The following PRDM15 variants were observed in gnomAD, a reference collection of about 807,000 sequenced individuals.
PRDM15 encodes the protein PR domain zinc finger protein 15.
PRDM15 carries 64 observed loss-of-function variants against 128.6 expected under a neutral mutation model. That is an observed-to-expected ratio of 0.50 (90% CI 0.41 to 0.61). The LOEUF is 0.61. PRDM15 is among the 20% of genes least tolerant of loss of function. The probability of loss-of-function intolerance (pLI) is 0.00; values close to 1 mark genes in which losing one functional copy is unlikely to be tolerated. For missense variants in PRDM15, 1,242 were observed against 1,569.1 expected (o/e 0.79, Z 3.52); for synonymous variants, 615 against 621.8 (o/e 0.99, Z 0.16).
At position 41,810,132 on chromosome 21, in the gene PRDM15, G is replaced by C. The variant is rs745811944; in HGVS notation, c.2652+22C>G. 6.3e-7 allele frequency: 1 copy of C among 1,591,404 alleles called. No homozygotes were observed. The highest frequency in any genetic ancestry group is 8.6e-7 in the Non-Finnish European group (1 of 1,169,184). Reference sequence around the variant, plus strand: ...GCGCGGCCCGCTGGCGGGGCACGGAGGGGGCACAGCCACCAGCTCACCTCG... The same window carrying C: ...GCGCGGCCCGCTGGCGGGGCACGGACGGGGCACAGCCACCAGCTCACCTCG... On this transcript the variant is annotated intron_variant, in intron 21 of 23. Coordinates refer to ENST00000398548, the MANE Select transcript of PRDM15 (RefSeq NM_001040424.3). This position sits in a 1 kb window ranked among gnomAD's most constrained non-coding sequence, Gnocchi z 6.4.
At position 41,804,830 on chromosome 21, in the gene PRDM15, A is replaced by G. The variant is rs1479772387; in HGVS notation, c.2653-216T>C. 8.1e-5 allele frequency: 36 copies of G among 445,846 alleles called. No homozygotes were observed. In the South Asian group the frequency reaches 1.0e-3, roughly 13 times the overall value. The allele number at this position is 445,846 out of a possible 1,614,324, so 27.6% of individuals were successfully genotyped here. ...CTCACCCCTTATTTCATGCTCCCAC[A>G]ATGGTCTTGCCCCTGTATCATCTCA... On this transcript the variant is annotated intron_variant, in intron 21 of 23. Transcript: ENST00000398548.
chr21:41,872,364 T>C (rs1457634583), intron 1 of PRDM15, among the ~76,000 whole-genome samples: 1 of 152,170 alleles, frequency 6.6e-6, no homozygotes, highest in Non-Finnish European at 1.5e-5. Flanking sequence ...TCCCCTCATT[T>C]CCCAGTATGA....
chr21:41,876,176 T>C (rs118091324), intron 1 of PRDM15, among the ~76,000 whole-genome samples: 5,325 of 152,336 alleles, frequency 0.035, 133 homozygotes, highest in Middle Eastern at 0.092. Context: ...GTGACTACAA[T>C]TGGAACACCA....
intron 11 of PRDM15, among the ~76,000 whole-genome samples, chr21:41,834,844 C>T (rs1421468018): frequency 6.6e-6 from 1 of 152,228 alleles, no homozygotes; most frequent in African/African-American, 2.4e-5. Context: ...CCCCCAGGCC[C>T]GAAGAGGCCA....
At chr21:41,822,113 AC>A (rs2146401743) in intron 14 of PRDM15, 76 bp from the exon 15 acceptor site, 1 of 1,588,084 alleles carries the variant, frequency 6.3e-7, no homozygotes, top group East Asian at 2.2e-5. Flanking sequence ...CGCAGGGACG[AC>A]CAATCATTTC....
rs372704139 is a variant in PRDM15, at chr21:41,871,517, C to T, written c.-10+7753G>A. The stretch of plus-strand genomic sequence containing the variant: ...ACCAGGAGGTAGGGCAGGATTGCGT[C>T]GCAGGCCTGCACTCGCAGGGCTCAG... On this transcript the variant is annotated intron_variant, in intron 1 of 23. Transcript: ENST00000398548. 39 of 1,607,760 alleles carry T rather than the reference C, an allele frequency of 2.4e-5. No homozygotes were observed. The highest frequency in any genetic ancestry group is 2.4e-4 in the African/African-American group (18 of 74,898).
At chr21:41,842,317 G>A (rs910992825) in intron 6 of PRDM15, among the ~76,000 whole-genome samples, 5 of 152,100 alleles carry the variant, frequency 3.3e-5, no homozygotes, top group Non-Finnish European at 7.4e-5. Flanking sequence ...TTAACATGGA[G>A]GAGAAGGATT....
At chr21:41,839,363 C>CGG (rs1038847827) in intron 7 of PRDM15, among the ~76,000 whole-genome samples, 1 of 152,240 alleles carries the variant, frequency 6.6e-6, no homozygotes, top group Non-Finnish European at 1.5e-5. Flanking sequence ...TCTACCCTGA[C>CGG]GGGGGTGCTG....
At chr21:41,804,110 T>G (rs1269192997) in intron 22 of PRDM15, among the ~76,000 whole-genome samples, 1 of 152,050 alleles carries the variant, frequency 6.6e-6, no homozygotes, top group Admixed American at 6.5e-5. Flanking sequence ...ATTACAGGCG[T>G]GCACTACCAC....
chr21:41,804,562 ATGG>A lies in PRDM15; in HGVS notation c.2702_2704del (p.Thr901del). 2.5e-6 allele frequency: 4 copies of A among 1,571,620 alleles called. No homozygotes were observed. Among genetic ancestry groups the A allele is most frequent in the Non-Finnish European group, 3.5e-6 (4 of 1,158,126 alleles). On this transcript the variant is annotated inframe_deletion, in exon 22 of 24. Coordinates refer to ENST00000398548, the MANE Select transcript of PRDM15 (RefSeq NM_001040424.3). ...GACGATGCCAATGGAGGAGGCGTCG[ATGG>A]TGGTGGTCTCCGGGAGGTGGTCCAG... is the stretch of plus-strand genomic sequence containing the variant.
chr21:41,867,552 T>C (rs1601471813), intron 1 of PRDM15, among the ~76,000 whole-genome samples: 1 of 152,282 alleles, frequency 6.6e-6, no homozygotes, highest in African/African-American at 2.4e-5. Flanking sequence ...CAAGCGACCC[T>C]CCTGCCGCAG....
intron 1 of PRDM15, among the ~76,000 whole-genome samples, chr21:41,861,367 AC>A (rs959538935): frequency 6.6e-6 from 1 of 151,680 alleles, no homozygotes; most frequent in Middle Eastern, 3.4e-3. Context: ...ATAAACTGAC[AC>A]CCCCCACACA....
chr21:41,823,344 T>C lies in PRDM15; in HGVS notation c.1735A>G (p.Arg579Gly). 6.2e-7 allele frequency: 1 copy of C among 1,606,744 alleles called. No individual in the cohort carries two copies. The highest frequency in any genetic ancestry group is 8.5e-7 in the Non-Finnish European group (1 of 1,176,832). Reference protein sequence around the residue: ...GRKFFRVDVLRDHIHVHFKDI... With the variant: ...GRKFFRVDVLGDHIHVHFKDI... ...TTGAAGTGGACATGGATGTGGTCCC[T>C]GAGCACATCCACGCGGAAGAACTTG... The change falls in exon 14 of 24, where the codon AGG becomes GGG. Residue 579 changes from arginine (R) to glycine (G), a missense_variant. Coordinates refer to ENST00000398548, the MANE Select transcript of PRDM15 (RefSeq NM_001040424.3).
chr21:41,872,578 C>A (rs1383633608), intron 1 of PRDM15, among the ~76,000 whole-genome samples: 1 of 152,060 alleles, frequency 6.6e-6, no homozygotes, highest in Non-Finnish European at 1.5e-5. Context: ...TTATGGGGTA[C>A]AAACTGATGC....
Position 41,820,095 on chromosome 21 carries a change from C to G in PRDM15, c.2140G>C (p.Gly714Arg). Residue 714 changes from glycine to arginine, a missense_variant and splice_region_variant, in exon 17 of 24, where the codon GGT (glycine) becomes CGT (arginine). Physicochemically the swap from Gly to Arg is moderately radical, Grantham distance 125. Transcript: ENST00000398548. ...ACCCCAAATGCTGACAGACACGCAC[C>G]TGTGTGGATGAGCTTGTGGCGCTCC... The part of the protein sequence containing the change: ...NLERHKLIHT[G>R]VKSHACEQCG... The G allele has an allele frequency of 1.2e-6, 2 of 1,613,550 alleles. No individual in the cohort carries two copies. The highest frequency in any genetic ancestry group is 1.7e-6 in the Non-Finnish European group (2 of 1,179,654).
In PRDM15 at chr21:41,801,380, T is replaced by A; in HGVS notation, c.3286A>T (p.Ser1096Cys). Residue 1096 changes from serine (S) to cysteine (C), a missense_variant, in exon 24 of 24, where the codon AGT becomes TGT. By Grantham distance (112) the Ser-to-Cys change is moderately radical. This residue lies in a region of PRDM15 where 602 missense variants were observed against 788.3 expected (regional missense o/e 0.76). Coordinates refer to ENST00000398548, the MANE Select transcript of PRDM15 (RefSeq NM_001040424.3). Reference sequence around the variant, plus strand: ...CGCCACGTGAGCGGGTGCTGGTCACTAAGCTGGCTCCCCAGGGGCGTGATG... The same window carrying A: ...CGCCACGTGAGCGGGTGCTGGTCACAAAGCTGGCTCCCCAGGGGCGTGATG... ...NSITPLGSQL[S>C]DQHPLTWRAV... 6.2e-7 allele frequency: 1 copy of A among 1,612,180 alleles called. No individual in the cohort carries two copies. The highest frequency in any genetic ancestry group is 8.5e-7 in the Non-Finnish European group (1 of 1,178,390).
chr21:41,834,725 G>A (rs1329976199), intron 11 of PRDM15, among the ~76,000 whole-genome samples: 3 of 152,210 alleles, frequency 2.0e-5, no homozygotes, highest in Non-Finnish European at 2.9e-5. Flanking sequence ...ATACAGGGGC[G>A]TCCTCGGGCC....
chr21:41,836,339 C>G, intron 9 of PRDM15, 129 bp downstream of exon 9: 2 of 1,290,394 alleles, frequency 1.5e-6, no homozygotes, highest in Non-Finnish European at 1.1e-6. Context: ...TGATCGCCCA[C>G]AAATGCAGCC....
intron 8 of PRDM15, among the ~76,000 whole-genome samples, 145 bp downstream of exon 8, chr21:41,837,773 TTCCTGAGCTCCAGAAC>T (rs2062944028): frequency 1.9e-4 from 1 of 5,298 alleles, no homozygotes; most frequent in Non-Finnish European, 5.0e-4. Context: ...CTCCAGAACA[TTCCTGAGCTCCAGAAC>T]ATTCCTGCTG....
Sources: gnomAD v4.1 joint callset for allele counts (sites outside exome capture counted in the v4.1 genomes callset) on GRCh38, gnomAD v4.1.1 for gene constraint, gnomAD v4.1.1 regional missense constraint, Gnocchi (gnomAD v3.1) non-coding constraint, MANE v1.5 for transcripts, NCBI Gene and HGNC (gene_info 2026-07-23, HGNC 2026-07-21) for gene names.